TTC21A: variants seen among roughly 807,000 people sequenced by gnomAD.
The protein encoded by TTC21A is tetratricopeptide repeat protein 21A.
A neutral mutation model predicts 156.4 loss-of-function variants in TTC21A; 128 were observed. The observed-to-expected ratio is 0.82, with a 90% confidence interval of 0.71 to 0.95. The LOEUF is 0.95. TTC21A is among the 40% of genes least tolerant of loss of function. The pLI is 0.00. For missense variants in TTC21A, 1,435 were observed against 1,602.3 expected, an observed-to-expected ratio of 0.90 and a Z score of 1.78; for synonymous variants, 587 against 617.1, an observed-to-expected ratio of 0.95 and a Z score of 0.72.
chr3:39,136,765 TCTC>T, intron 23 of TTC21A, 131 bp from the exon 24 acceptor site: 38 of 1,228,112 alleles, frequency 3.1e-5, no homozygotes, highest in South Asian at 4.4e-5. Flanking sequence ...GACGCCCGCA[TCTC>T]CTCCAGGGGA....
chr3:39,108,550 T>A (rs2036473166), intron 1 of TTC21A, among the ~76,000 whole-genome samples: 1 of 152,190 alleles, frequency 6.6e-6, no homozygotes, highest in Admixed American at 6.5e-5. Flanking sequence ...ATATGGCCCA[T>A]GAGGATGTTT....
rs149399977 is a variant in TTC21A at position 39,134,602 on chromosome 3, G to T, written c.2862+274G>T. 4.2e-3 allele frequency: 2,346 copies of T among 561,442 alleles called. 69 individuals are homozygous for T. In the Admixed American group the frequency reaches 0.057, roughly 14 times the overall value. The allele number at this position is 561,442 out of a possible 1,614,324, so 34.8% of individuals were successfully genotyped here. A position where few individuals can be genotyped will look rare whatever the true frequency, so the allele number is the denominator to read the frequency against. ...CCAGGGGAAAGCACATTCACTGTAG[G>T]TGAAGGCAAGGGCGGGACAGGTTCC... On this transcript the variant is annotated intron_variant, in intron 21 of 28. Transcript: ENST00000683103. This position sits in a 1 kb window ranked among gnomAD's most constrained non-coding sequence, Gnocchi z 4.6.
At chr3:39,137,137 G>A in intron 24 of TTC21A, 58 bp from the exon 25 acceptor site, 1 of 1,600,568 alleles carries the variant, frequency 6.2e-7, no homozygotes, top group Non-Finnish European at 8.5e-7. Flanking sequence ...GAAGCCAGGT[G>A]AGGGCCACAC....
chr3:39,121,154 T>A lies in TTC21A; in HGVS notation c.1058T>A (p.Met353Lys). The stretch of plus-strand genomic sequence containing the variant: ...GCCTTGCTGTGGTATTCAGAAGCCA[T>A]GAAACTGGACAAGGATGGCATGGCT... ...KEALLWYSEAMKLDKDGMAGL... is the reference protein window; with the variant it reads ...KEALLWYSEAKKLDKDGMAGL... Residue 353 changes from methionine to lysine, a missense_variant, in exon 9 of 29, where the codon ATG becomes AAG. Coordinates refer to ENST00000683103, the MANE Select transcript of TTC21A (RefSeq NM_001366900.1). 1 of 1,613,926 alleles carries A rather than the reference T, an allele frequency of 6.2e-7. No individual in the cohort carries two copies. The highest frequency in any genetic ancestry group is 8.5e-7 in the Non-Finnish European group (1 of 1,179,904).
chr3:39,108,538 T>A (rs2036470829), intron 1 of TTC21A, among the ~76,000 whole-genome samples: 1 of 152,198 alleles, frequency 6.6e-6, no homozygotes, highest in Non-Finnish European at 1.5e-5. Context: ...CTGGGCTCTT[T>A]CATATGGCCC....
Position 39,137,031 on chromosome 3 carries a change from G to A in TTC21A, c.3228G>A (p.Glu1076=). The A allele has an allele frequency of 1.2e-6, 2 of 1,613,704 alleles. No individual in the cohort carries two copies. Among genetic ancestry groups the A allele is most frequent in the East Asian group, 2.2e-5 (1 of 44,778 alleles). Residue 1076 remains glutamate, a synonymous_variant, in exon 24 of 29, where the codon GAG becomes GAA. Transcript: ENST00000683103. ...CAGACAACGAGGTTGTGGGCGGAGA[G>A]GCTTTTGAGAACCAGGGAGCTGAGA... ...LNPDNEVVGG[E]AFENQGAESN...
At chr3:39,116,476 G>GCCCCC (rs5848489) in intron 6 of TTC21A, among the ~76,000 whole-genome samples, 23 of 150,326 alleles carry the variant, frequency 1.5e-4, no homozygotes, top group African/African-American at 5.4e-4. Flanking sequence ...ATTAATTTCT[G>GCCCCC]CCCCCCCCTT....
chr3:39,107,904 T>A (rs1222301762), intron 1 of TTC21A, 40 bp downstream of exon 1: 1 of 1,608,320 alleles, frequency 6.2e-7, no homozygotes, highest in South Asian at 1.1e-5. Flanking sequence ...CCCTCGTGAC[T>A]CCCCGCCCCT....
In TTC21A at chr3:39,130,840, G is replaced by A; in HGVS notation, c.2458+1G>A. Reference sequence around the variant, plus strand: ...AAGCAGGCACTGGAACATGACATTGGTGAGGCAGCATTGTAACCCATTTCT... The same window carrying A: ...AAGCAGGCACTGGAACATGACATTGATGAGGCAGCATTGTAACCCATTTCT... On this transcript the variant is annotated splice_donor_variant, in intron 18 of 28. Coordinates refer to ENST00000683103, the MANE Select transcript of TTC21A (RefSeq NM_001366900.1). LOFTEE classifies it high-confidence loss of function. This position sits in a 1 kb window ranked among gnomAD's most constrained non-coding sequence, Gnocchi z 4.5. 6.2e-7 allele frequency: 1 copy of A among 1,614,172 alleles called. No individual in the cohort carries two copies. Among genetic ancestry groups the A allele is most frequent in the Non-Finnish European group, 8.5e-7 (1 of 1,180,030 alleles).
At position 39,107,788 on chromosome 3, in the gene TTC21A, G is replaced by A. The variant is rs1358761058; in HGVS notation, c.-50G>A. The stretch of plus-strand genomic sequence containing the variant: ...CCCACGACCCTGCCTCGGGAATCCC[G>A]CTCTGCACCGCCCCACCAGACCCGG... On this transcript the variant is annotated 5_prime_UTR_variant, in exon 1 of 29. Coordinates refer to ENST00000683103, the MANE Select transcript of TTC21A (RefSeq NM_001366900.1). 8 of 1,610,884 alleles carry A rather than the reference G, an allele frequency of 5.0e-6. No homozygotes were observed. The highest frequency in any genetic ancestry group is 3.3e-4 in the Middle Eastern group (2 of 6,080).
Position 39,129,063 on chromosome 3 carries a change from A to G in TTC21A, c.1897-9A>G, listed in dbSNP as rs138537497. ...CAAGTGAAGGGTCTGTTTGATTCCCATGTTTTAGCATGAGGCCACCAAGGT... is the reference window on the plus strand; with the variant it reads ...CAAGTGAAGGGTCTGTTTGATTCCCGTGTTTTAGCATGAGGCCACCAAGGT... On this transcript the variant is annotated splice_polypyrimidine_tract_variant and intron_variant, in intron 14 of 28. Transcript: ENST00000683103. The G allele has an allele frequency of 2.0e-5, 32 of 1,613,960 alleles. No individual in the cohort carries two copies. In the African/African-American group the frequency reaches 2.5e-4, roughly 13 times the overall value.
intron 26 of TTC21A, 178 bp from the exon 27 acceptor site, chr3:39,138,089 G>A (rs766417294): frequency 2.8e-5 from 22 of 792,240 alleles, no homozygotes; most frequent in Non-Finnish European, 3.8e-5. Flanking sequence ...CTGAGAGGAG[G>A]GCACACAGTT....
chr3:39,133,695 C>T (rs2038902490), intron 20 of TTC21A, among the ~76,000 whole-genome samples: 1 of 152,186 alleles, frequency 6.6e-6, no homozygotes, highest in Non-Finnish European at 1.5e-5. Context: ...AGATGAAGAG[C>T]TTAGTGACCG....
intron 9 of TTC21A, among the ~76,000 whole-genome samples, chr3:39,124,616 G>A (rs968231158): frequency 2.3e-5 from 3 of 131,430 alleles, no homozygotes; most frequent in Non-Finnish European, 4.7e-5. Context: ...CCAAGATCGT[G>A]CCACTTCACT....
chr3:39,129,065 G>A lies in TTC21A; in HGVS notation c.1897-7G>A. The A allele has an allele frequency of 6.2e-7, 1 of 1,614,082 alleles. No homozygotes were observed. Among genetic ancestry groups the A allele is most frequent in the Non-Finnish European group, 8.5e-7 (1 of 1,179,898 alleles). ...AGTGAAGGGTCTGTTTGATTCCCAT[G>A]TTTTAGCATGAGGCCACCAAGGTCA... On this transcript the variant is annotated splice_polypyrimidine_tract_variant and splice_region_variant and intron_variant, in intron 14 of 28. Coordinates refer to ENST00000683103, the MANE Select transcript of TTC21A (RefSeq NM_001366900.1).
intron 9 of TTC21A, 91 bp from the exon 10 acceptor site, chr3:39,124,972 C>G (rs1219117239): frequency 1.2e-6 from 1 of 831,846 alleles, no homozygotes; most frequent in African/African-American, 1.7e-5. Context: ...AGACATCTTC[C>G]TTCCACTGTC....
intron 21 of TTC21A, 70 bp from the exon 22 acceptor site, chr3:39,135,023 C>T: frequency 7.4e-7 from 1 of 1,349,228 alleles, no homozygotes; most frequent in South Asian, 1.2e-5. Context: ...CCCCATACCC[C>T]CCGCCTCCCC....
In TTC21A at chr3:39,110,974, A is replaced by G. The variant is rs1437580148; in HGVS notation, c.392A>G (p.Glu131Gly). ...WLIGRHDKAK[E>G]YIDRMLKISR... is the part of the protein sequence containing the mutation. ...ATAGGCCGCCATGACAAGGCCAAAG[A>G]GTACATTGACCGCATGCTGAAGATT... Residue 131 changes from glutamate (E) to glycine (G), a missense_variant, in exon 4 of 29, where the codon GAG (glutamate) becomes GGG (glycine). Physicochemically the swap from Glu to Gly is moderately conservative, Grantham distance 98. Coordinates refer to ENST00000683103, the MANE Select transcript of TTC21A (RefSeq NM_001366900.1). 1.2e-6 allele frequency: 2 copies of G among 1,613,694 alleles called. No individual in the cohort carries two copies. The highest frequency in any genetic ancestry group is 1.7e-6 in the Non-Finnish European group (2 of 1,179,830).
chr3:39,119,308 C>T (rs747660598), intron 7 of TTC21A: 1 of 152,242 alleles, frequency 6.6e-6, no homozygotes, highest in African/African-American at 2.4e-5. Context: ...TGGGAAAGAA[C>T]CTAAGCTTTG....
Sources: allele counts gnomAD v4.1 joint callset (sites outside exome capture counted in the v4.1 genomes callset), GRCh38; gene constraint gnomAD v4.1.1; non-coding constraint Gnocchi (gnomAD v3.1); transcripts MANE v1.5; gene names NCBI Gene and HGNC (gene_info 2026-07-23, HGNC 2026-07-21).